TFDP2: variants seen among roughly 807,000 people sequenced by gnomAD.
TFDP2 encodes the protein transcription factor Dp-2.
In TFDP2, 17 loss-of-function variants were observed where a neutral mutation model predicts 59.3. That is an observed-to-expected ratio of 0.29 (90% confidence interval 0.20 to 0.43). TFDP2 has a LOEUF of 0.43. TFDP2 is among the 20% of genes least tolerant of loss of function. The pLI is 1.00. For synonymous variants in TFDP2, 180 were observed against 194.7 expected (o/e 0.92, Z 0.63); for missense variants, 391 against 528.8 (o/e 0.74, Z 2.56).
At chr3:141,978,349 AC>A (rs62761262) in intron 7 of TFDP2, among the ~76,000 whole-genome samples, 170 bp downstream of exon 7, 17,792 of 101,120 alleles carry the variant, frequency 0.18, 1,223 homozygotes, top group East Asian at 0.2. Context: ...CGCCTAAAAA[AC>A]AAAAAAAAAG....
intron 1 of TFDP2, among the ~76,000 whole-genome samples, chr3:142,148,366 AAAT>A (rs2063248135): frequency 6.6e-6 from 1 of 152,226 alleles, no homozygotes; most frequent in African/African-American, 2.4e-5. Context: ...ACTAAAAGGG[AAAT>A]AATATAGGGT....
chr3:142,059,806 T>C (rs1193314458), intron 3 of TFDP2, among the ~76,000 whole-genome samples: 1 of 152,046 alleles, frequency 6.6e-6, no homozygotes, highest in Non-Finnish European at 1.5e-5. Context: ...GGTCTCAAAC[T>C]CCTGATCTCA....
Position 142,093,072 on chromosome 3 carries a change from C to A in TFDP2, c.71G>T (p.Ser24Ile). Residue 24 changes from serine to isoleucine, a missense_variant, in exon 3 of 13, where the codon AGT becomes ATT. Transcript: ENST00000489671. ...EVRGFIDQNLSPTKGNISFVA... is the reference protein window; with the variant it reads ...EVRGFIDQNLIPTKGNISFVA... ...TCAATAATCCTTACCTTTTGTTGGA[C>A]TGAGATTCTGATCTATAAATCCTCT... The A allele has an allele frequency of 6.5e-7, 1 of 1,536,052 alleles. No homozygotes were observed. The highest frequency in any genetic ancestry group is 1.4e-5 in the African/African-American group (1 of 73,228).
intron 6 of TFDP2, among the ~76,000 whole-genome samples, chr3:141,986,814 T>A (rs529773417): frequency 2.6e-5 from 4 of 152,224 alleles, no homozygotes; most frequent in African/African-American, 9.6e-5. Context: ...CTTAGCACTG[T>A]CTATCCTTTT....
chr3:141,996,803 G>A (rs1943311468), intron 4 of TFDP2, among the ~76,000 whole-genome samples: 1 of 152,166 alleles, frequency 6.6e-6, no homozygotes, highest in Non-Finnish European at 1.5e-5. Flanking sequence ...TTAGCTTGGG[G>A]CTAGGAAGAT....
chr3:142,118,753 A>T (rs565849314), intron 1 of TFDP2, among the ~76,000 whole-genome samples: 43 of 152,138 alleles, frequency 2.8e-4, no homozygotes, highest in Non-Finnish European at 3.7e-4. Flanking sequence ...ATAAAATTTT[A>T]AAAAAAACAG....
At chr3:142,104,883 T>C (rs939417270) in intron 1 of TFDP2, among the ~76,000 whole-genome samples, 1 of 152,164 alleles carries the variant, frequency 6.6e-6, no homozygotes, top group Admixed American at 6.5e-5. Flanking sequence ...TGGTTGTAAG[T>C]GTCCTGCTTG....
At chr3:142,060,177 T>C (rs2059871291) in intron 3 of TFDP2, among the ~76,000 whole-genome samples, 1 of 152,320 alleles carries the variant, frequency 6.6e-6, no homozygotes, top group Admixed American at 6.5e-5. Flanking sequence ...TATATGAGGT[T>C]ATCTTGAGAG....
chr3:142,103,203 A>G (rs1315096379), intron 1 of TFDP2, among the ~76,000 whole-genome samples: 2 of 152,016 alleles, frequency 1.3e-5, no homozygotes, highest in African/African-American at 2.4e-5. Context: ...GCGCCATTGC[A>G]CTCCAGCCTG....
intron 7 of TFDP2, among the ~76,000 whole-genome samples, chr3:141,977,089 C>CATATATATAT (rs1275287133): frequency 8.1e-5 from 9 of 110,938 alleles, no homozygotes; most frequent in South Asian, 2.9e-4. Context: ...CAGTCATAGC[C>CATATATATAT]ATATATATAT....
At chr3:142,054,035 T>C (rs2108497057) in intron 3 of TFDP2, 1 of 152,330 alleles carries the variant, frequency 6.6e-6, no homozygotes, top group South Asian at 2.1e-4. Context: ...TCATACACAT[T>C]GCTGATGGGA....
At chr3:142,013,655 C>T (rs1273647538) in intron 3 of TFDP2, among the ~76,000 whole-genome samples, 1 of 152,146 alleles carries the variant, frequency 6.6e-6, no homozygotes, top group Non-Finnish European at 1.5e-5. Flanking sequence ...AGAAACAGAA[C>T]TAAAAACTTA....
chr3:141,968,302 A>AT (rs1938489323), intron 9 of TFDP2, among the ~76,000 whole-genome samples: 4 of 128,590 alleles, frequency 3.1e-5, no homozygotes, highest in South Asian at 2.2e-4. Context: ...TATAATATAT[A>AT]ATATATATAA....
At chr3:142,030,438 C>T (rs191229628) in intron 3 of TFDP2, among the ~76,000 whole-genome samples, 1 of 152,184 alleles carries the variant, frequency 6.6e-6, no homozygotes, top group African/African-American at 2.4e-5. Flanking sequence ...GGAAATTACA[C>T]AGAATCTGAT....
rs372494102 is a variant in TFDP2, at chr3:141,970,055, A to G, written c.732+18T>C. On this transcript the variant is annotated intron_variant, in intron 9 of 12. Coordinates refer to ENST00000489671, the MANE Select transcript of TFDP2 (RefSeq NM_001178139.2). ...TGGAGAAACAGGGAAGGTAATGAAA[A>G]CATCTCGGTATCTTTACCTGTAGGA... is the stretch of plus-strand genomic sequence containing the variant. The G allele has an allele frequency of 6.2e-7, 1 of 1,611,096 alleles. No individual in the cohort carries two copies.
At chr3:141,977,405 CAAAAAA>C (rs202181685) in intron 7 of TFDP2, among the ~76,000 whole-genome samples, 1 of 106,722 alleles carries the variant, frequency 9.4e-6, no homozygotes, top group Non-Finnish European at 1.9e-5. Context: ...GACCTCATAT[CAAAAAA>C]AAAAAAAAAA....
intron 7 of TFDP2, among the ~76,000 whole-genome samples, chr3:141,977,722 T>TC (rs1228733483): frequency 1.3e-5 from 2 of 151,624 alleles, no homozygotes; most frequent in African/African-American, 4.8e-5. Flanking sequence ...ATTTTTTTTT[T>TC]CTTTTTGAGA....
intron 9 of TFDP2, among the ~76,000 whole-genome samples, chr3:141,969,154 TA>T (rs1452352660): frequency 5.4e-5 from 5 of 91,798 alleles, no homozygotes; most frequent in African/African-American, 1.6e-4. Flanking sequence ...ATATATGAGA[TA>T]TATATATAAC....
chr3:142,069,060 C>T (rs564004778), intron 3 of TFDP2, among the ~76,000 whole-genome samples: 13 of 151,956 alleles, frequency 8.6e-5, no homozygotes, highest in Admixed American at 5.2e-4. Flanking sequence ...GGATTACAGG[C>T]GCACACCACC....
Sources: allele counts gnomAD v4.1 joint callset (sites outside exome capture counted in the v4.1 genomes callset), GRCh38; gene constraint gnomAD v4.1.1; transcripts MANE v1.5; gene names NCBI Gene and HGNC (gene_info 2026-07-23, HGNC 2026-07-21).